HARBI1: variants seen among roughly 807,000 people sequenced by gnomAD.
The protein encoded by HARBI1 is putative nuclease HARBI1.
A neutral mutation model predicts 25.3 loss-of-function variants in HARBI1; 15 were observed. The observed-to-expected ratio is 0.59, with a 90% CI of 0.40 to 0.91. HARBI1 has a LOEUF of 0.91. Among genes scored for constraint, HARBI1 ranks in the 40% least tolerant of loss-of-function variants. HARBI1 has a pLI of 0.00. For synonymous variants in HARBI1, 168 were observed against 160.5 expected (o/e 1.05, Z -0.35); for missense variants, 396 against 445.8 (o/e 0.89, Z 1.01).
In HARBI1 at chr11:46,617,110, G is replaced by C. The variant is rs973828786; in HGVS notation, c.-145+14C>G. On this transcript the variant is annotated intron_variant, in intron 1 of 2. Transcript: ENST00000326737. ...TTGCGCCGGCCACTCAGTTAGCCCA[G>C]GCCCGTCACCCACCTCTCCGCGGCT... is the stretch of plus-strand genomic sequence containing the variant. The C allele has an allele frequency of 3.4e-6, 2 of 580,660 alleles. No individual in the cohort carries two copies. Among genetic ancestry groups the C allele is most frequent in the Non-Finnish European group, 4.3e-6 (2 of 460,662 alleles). 36.0% of individuals were successfully genotyped at this position (580,660 alleles called of 1,614,324 possible). A position where few individuals can be genotyped will look rare whatever the true frequency, so the allele number is the denominator to read the frequency against.
Position 46,615,931 on chromosome 11 carries a change from A to G in HARBI1, c.307T>C (p.Cys103Arg), listed in dbSNP as rs371776479. 6.2e-6 allele frequency: 10 copies of G among 1,614,074 alleles called. No homozygotes were observed. The highest frequency in any genetic ancestry group is 2.7e-5 in the African/African-American group (2 of 74,918). The change falls in exon 2 of 3, where the codon TGT becomes CGT. Residue 103 changes from cysteine (C) to arginine (R), a missense_variant. Coordinates refer to ENST00000326737, the MANE Select transcript of HARBI1 (RefSeq NM_173811.4). ...IGISQASMSR[C>R]VANVTEALVE... Reference sequence around the variant, plus strand: ...AGTGCTTCAGTGACATTGGCAACACAACGACTCATAGACGCCTGACTGATT... The same window carrying G: ...AGTGCTTCAGTGACATTGGCAACACGACGACTCATAGACGCCTGACTGATT...
At position 46,615,639 on chromosome 11, in the gene HARBI1, CAGTCCTGTA is replaced by C; in HGVS notation, c.590_598del (p.Leu197_Cys200delinsArg). ...GAGGGAAGACTGCTGCAGCACAGCACAGTCCTGTAGGCTGCCGGGCCAGTTTGTCTCCAC... is the reference window on the plus strand; with the variant it reads ...GAGGGAAGACTGCTGCAGCACAGCACGGCTGCCGGGCCAGTTTGTCTCCAC... On this transcript the variant is annotated inframe_deletion, in exon 2 of 3. Transcript: ENST00000326737. 1.2e-6 allele frequency: 2 copies of C among 1,614,228 alleles called. No individual in the cohort carries two copies. The highest frequency in any genetic ancestry group is 1.7e-6 in the Non-Finnish European group (2 of 1,180,044).
Position 46,616,245 on chromosome 11 carries a change from G to T in HARBI1, c.-8C>A. The T allele has an allele frequency of 6.3e-7, 1 of 1,595,428 alleles. No homozygotes were observed. Among genetic ancestry groups the T allele is most frequent in the Non-Finnish European group, 8.5e-7 (1 of 1,173,066 alleles). On this transcript the variant is annotated 5_prime_UTR_variant, in exon 2 of 3. Transcript: ENST00000326737. ...TGTTATTGGTATAGCCATGGTAAATGTGAATGTTGGCTCTCCTCTTTGCTT... is the reference window on the plus strand; with the variant it reads ...TGTTATTGGTATAGCCATGGTAAATTTGAATGTTGGCTCTCCTCTTTGCTT...
At position 46,603,349 on chromosome 11, in the gene HARBI1, T is replaced by C. The variant is rs2044827196; in HGVS notation, c.*181A>G. ...TTGGTTTCAGTTTAATTAATGCATA[T>C]GCAAATGAATCAAGATATTCTGGCA... is the stretch of plus-strand genomic sequence containing the variant. On this transcript the variant is annotated 3_prime_UTR_variant, in exon 3 of 3. Coordinates refer to ENST00000326737, the MANE Select transcript of HARBI1 (RefSeq NM_173811.4). 3 of 583,004 alleles carry C rather than the reference T, an allele frequency of 5.1e-6. No homozygotes were observed. In the South Asian group the frequency reaches 7.8e-5, roughly 15 times the overall value. 36.1% of individuals were successfully genotyped at this position (583,004 alleles called of 1,614,324 possible).
At position 46,615,659 on chromosome 11, in the gene HARBI1, C is replaced by A. The variant is rs1458201250; in HGVS notation, c.579G>T (p.Trp193Cys). The change falls in exon 2 of 3, where the codon TGG (tryptophan) becomes TGT (cysteine). Residue 193 changes from tryptophan to cysteine, a missense_variant. Transcript: ENST00000326737. ...RGTLMTVETN[W>C]PGSLQDCAVL... is the part of the protein sequence containing the mutation. ...CAGCACAGTCCTGTAGGCTGCCGGG[C>A]CAGTTTGTCTCCACGGTCATTAGTG... 5 of 1,614,084 alleles carry A rather than the reference C, an allele frequency of 3.1e-6. No individual in the cohort carries two copies. The highest frequency in any genetic ancestry group is 1.3e-5 in the African/African-American group (1 of 74,918).
intron 2 of HARBI1, chr11:46,604,251 G>A (rs1791422262): frequency 1.0e-6 from 1 of 982,724 alleles, no homozygotes; most frequent in Admixed American, 6.2e-5. Context: ...ACTCACGCCT[G>A]TAATGACAGC....
rs927065567 is a variant in HARBI1, at chr11:46,603,650, C to G, written c.930G>C (p.Trp310Cys). 1 of 1,614,162 alleles carries G rather than the reference C, an allele frequency of 6.2e-7. No individual in the cohort carries two copies. Among genetic ancestry groups the G allele is most frequent in the African/African-American group, 1.3e-5 (1 of 75,048 alleles). Residue 310 changes from tryptophan to cysteine, a missense_variant, in exon 3 of 3, where the codon TGG (tryptophan) becomes TGC (cysteine). Trp to Cys is a radical substitution (Grantham distance 215). Coordinates refer to ENST00000326737, the MANE Select transcript of HARBI1 (RefSeq NM_173811.4). ...NISLEHGMDV[W>C]SSPMTGPMEQ... Reference sequence around the variant, plus strand: ...CCATGGGTCCTGTCATTGGAGAGGACCAAACATCCATCCCATGCTCCAGGG... The same window carrying G: ...CCATGGGTCCTGTCATTGGAGAGGAGCAAACATCCATCCCATGCTCCAGGG...
chr11:46,614,618 T>G (rs966034002), intron 2 of HARBI1, among the ~76,000 whole-genome samples: 1 of 151,996 alleles, frequency 6.6e-6, no homozygotes. Context: ...AAAGTTTAAT[T>G]GTTTTGGAGA....
upstream of HARBI1, chr11:46,617,512 A>C: frequency 3.3e-6 from 1 of 304,662 alleles, no homozygotes; most frequent in Non-Finnish European, 5.9e-6. Context: ...AAGGTTAGGC[A>C]TCTGGATTTC....
At chr11:46,617,531 C>G (rs1292378031), upstream of HARBI1, 1 of 217,488 alleles carries the variant, frequency 4.6e-6, no homozygotes, top group Non-Finnish European at 8.5e-6. Flanking sequence ...TCCCCCGTAG[C>G]CCTCTTTCAC....
intron 2 of HARBI1, among the ~76,000 whole-genome samples, chr11:46,613,182 G>A (rs1362121465): frequency 2.0e-5 from 3 of 151,864 alleles, no homozygotes; most frequent in Non-Finnish European, 4.4e-5. Flanking sequence ...GTTTGACCAT[G>A]TCGGCCAGGC....
At chr11:46,617,616 C>A (rs2045717173), upstream of HARBI1, 1 of 212,804 alleles carries the variant, frequency 4.7e-6, no homozygotes, top group South Asian at 2.0e-4. Context: ...CGACCGGCTG[C>A]TGGGCTTAAG....
At chr11:46,612,158 G>A (rs1412923610) in intron 2 of HARBI1, among the ~76,000 whole-genome samples, 1 of 152,162 alleles carries the variant, frequency 6.6e-6, no homozygotes, top group African/African-American at 2.4e-5. Context: ...GTGCAGATAT[G>A]ATTAGTGGTA....
chr11:46,608,270 C>A (rs1413889067), intron 2 of HARBI1, among the ~76,000 whole-genome samples: 1 of 152,080 alleles, frequency 6.6e-6, no homozygotes, highest in African/African-American at 2.4e-5. Flanking sequence ...TGCACCACAG[C>A]CTGGGCAACA....
chr11:46,615,724 G>A lies in HARBI1; in HGVS notation c.514C>T (p.His172Tyr). ...CACACCATCAGGCAGTTTAAAGAATGCAGGCCTTTTCGGTTCACATAGGAG... is the reference window on the plus strand; with the variant it reads ...CACACCATCAGGCAGTTTAAAGAATACAGGCCTTTTCGGTTCACATAGGAG... ...DLSYVNRKGL[H>Y]SLNCLMVCDI... Residue 172 changes from histidine to tyrosine, a missense_variant, in exon 2 of 3, where the codon CAT (histidine) becomes TAT (tyrosine). His to Tyr is a moderately conservative substitution (Grantham distance 83). Transcript: ENST00000326737. The A allele has an allele frequency of 6.2e-7, 1 of 1,614,178 alleles. No homozygotes were observed. The highest frequency in any genetic ancestry group is 8.5e-7 in the Non-Finnish European group (1 of 1,180,048).
chr11:46,615,269 G>C (rs567484355), intron 2 of HARBI1, among the ~76,000 whole-genome samples: 1 of 148,280 alleles, frequency 6.7e-6, no homozygotes, highest in Non-Finnish European at 1.5e-5. Flanking sequence ...TTGCCCAGGT[G>C]GGGGTGCAAT....
At chr11:46,617,639 G>A (rs946554628), upstream of HARBI1, 22 of 322,660 alleles carry the variant, frequency 6.8e-5, no homozygotes, top group African/African-American at 4.6e-4. Flanking sequence ...GGGAGTGACC[G>A]CTTAACCAGT....
chr11:46,616,022 CTG>C lies in HARBI1; in HGVS notation c.214_215del (p.Gln72GlyfsTer37), dbSNP rs1474134147. 1 of 1,614,084 alleles carries C rather than the reference CTG, an allele frequency of 6.2e-7. No individual in the cohort carries two copies. Among genetic ancestry groups the C allele is most frequent in the African/African-American group, 1.3e-5 (1 of 74,932 alleles). ...QRSRAISPET[Q>X]VLAALGFYTS... ...TATAAAAACCCAATGCTGCAAGGAC[CTG>C]TGTCTCTGGGCTAATAGCCCTGGAT... On this transcript the variant is annotated frameshift_variant, in exon 2 of 3. Transcript: ENST00000326737. LOFTEE classifies it high-confidence loss of function.
At chr11:46,608,364 G>A (rs79900038) in intron 2 of HARBI1, among the ~76,000 whole-genome samples, 1 of 152,140 alleles carries the variant, frequency 6.6e-6, no homozygotes, top group African/African-American at 2.4e-5. Flanking sequence ...TTAACATCTT[G>A]TCATTCCTTA....
Sources: allele counts gnomAD v4.1 joint callset (sites outside exome capture counted in the v4.1 genomes callset), GRCh38; gene constraint gnomAD v4.1.1; transcripts MANE v1.5; gene names NCBI Gene and HGNC (gene_info 2026-07-23, HGNC 2026-07-21).